SPTLC3: variants seen among roughly 807,000 people sequenced by gnomAD.
SPTLC3 encodes serine palmitoyltransferase long chain base subunit 3, also known as serine palmitoyltransferase 3.
SPTLC3 carries 36 observed loss-of-function variants against 59.3 expected under a neutral mutation model. That is an observed-to-expected ratio of 0.61 (90% CI 0.47 to 0.80). The LOEUF (loss-of-function observed/expected upper bound fraction) is 0.80, where lower values mean the gene tolerates loss of function less well. SPTLC3 is among the 30% of genes least tolerant of loss of function. SPTLC3 has a pLI of 0.00. For missense variants in SPTLC3, 625 were observed against 685.1 expected (o/e 0.91, Z 0.98); for synonymous variants, 257 against 240.8 (o/e 1.07, Z -0.62).
chr20:13,016,887 A>G (rs549925803), intron 1 of SPTLC3, among the ~76,000 whole-genome samples: 2 of 152,200 alleles, frequency 1.3e-5, no homozygotes, highest in East Asian at 3.9e-4. Flanking sequence ...TCATCATCTC[A>G]CAGCATTCCT....
intron 1 of SPTLC3, among the ~76,000 whole-genome samples, chr20:13,018,985 A>G (rs1985715923): frequency 6.6e-6 from 1 of 152,192 alleles, no homozygotes; most frequent in African/African-American, 2.4e-5. Flanking sequence ...GAAATACTCA[A>G]AATTATCCTC....
chr20:13,044,250 G>C (rs1235061251), intron 1 of SPTLC3, among the ~76,000 whole-genome samples: 4 of 151,858 alleles, frequency 2.6e-5, no homozygotes, highest in African/African-American at 9.7e-5. Flanking sequence ...ACAGGTGCCT[G>C]CCACCACACC....
chr20:13,140,498 A>C (rs967814204), intron 9 of SPTLC3, among the ~76,000 whole-genome samples: 1 of 152,218 alleles, frequency 6.6e-6, no homozygotes, highest in African/African-American at 2.4e-5. Context: ...ACTTCCTATC[A>C]GGATGGAGCT....
At position 13,157,138 on chromosome 20, in the gene SPTLC3, G is replaced by C. The variant is rs564124650; in HGVS notation, c.1416-2865G>C. ...AAATGAAGATGCTAAGACTTAGAAA[G>C]GTCAAATTACTTTCTAAAGCCGGGT... On this transcript the variant is annotated intron_variant, in intron 10 of 11. Coordinates refer to ENST00000399002, the MANE Select transcript of SPTLC3 (RefSeq NM_018327.4). Among the ~76,000 whole-genome samples the C allele has an allele frequency of 2.0e-5, 3 of 152,134 alleles. No individual in the cohort carries two copies. In the East Asian group the frequency reaches 5.8e-4, roughly 29 times the overall value.
At chr20:13,023,280 C>T (rs1420803507) in intron 1 of SPTLC3, among the ~76,000 whole-genome samples, 3 of 151,532 alleles carry the variant, frequency 2.0e-5, no homozygotes, top group East Asian at 3.9e-4. Flanking sequence ...CACACACACA[C>T]ACACACAGAG....
intron 9 of SPTLC3, among the ~76,000 whole-genome samples, chr20:13,136,513 T>C (rs1487725278): frequency 6.6e-6 from 1 of 151,634 alleles, no homozygotes; most frequent in Non-Finnish European, 1.5e-5. Flanking sequence ...GGTGGGAGGA[T>C]CACTTGACCC....
At chr20:13,119,898 G>T (rs1456143960) in intron 8 of SPTLC3, among the ~76,000 whole-genome samples, 1 of 152,220 alleles carries the variant, frequency 6.6e-6, no homozygotes, top group Non-Finnish European at 1.5e-5. Flanking sequence ...TGTGTGGAAT[G>T]ATTTTGGTCA....
At chr20:13,068,718 T>C (rs769471257) in intron 2 of SPTLC3, among the ~76,000 whole-genome samples, 2 of 151,446 alleles carry the variant, frequency 1.3e-5, no homozygotes, top group Non-Finnish European at 2.9e-5. Context: ...TTAATGTTTA[T>C]GTCATGCACA....
At chr20:13,031,893 A>G (rs1298260884) in intron 1 of SPTLC3, among the ~76,000 whole-genome samples, 1 of 152,174 alleles carries the variant, frequency 6.6e-6, no homozygotes, top group Non-Finnish European at 1.5e-5. Flanking sequence ...GGATCAACTT[A>G]GTCCTGTCTT....
chr20:13,018,640 T>C (rs1412101481), intron 1 of SPTLC3, among the ~76,000 whole-genome samples: 2 of 152,236 alleles, frequency 1.3e-5, no homozygotes, highest in Admixed American at 6.5e-5. Context: ...ATATTTTAAG[T>C]ATTTTTAATA....
At chr20:13,036,838 A>G (rs1212367790) in intron 1 of SPTLC3, among the ~76,000 whole-genome samples, 1 of 152,068 alleles carries the variant, frequency 6.6e-6, no homozygotes, top group South Asian at 2.1e-4. Flanking sequence ...TTAGTTTACA[A>G]TTTTTGTTAC....
In SPTLC3 at chr20:13,168,955, G is replaced by GTGTGTGTGTGTGTGTGCA. The variant is rs2039017541; in HGVS notation, c.*4094_*4111dup. ...CCTGATGTACGTGGGGTGTGCATGT[G>GTGTGTGTGTGTGTGTGCA]TGTGTGTGTGTGTGTGCATGTGTCT... On this transcript the variant is annotated 3_prime_UTR_variant, in exon 12 of 12. Transcript: ENST00000399002. 1 of 151,728 alleles carries GTGTGTGTGTGTGTGTGCA rather than the reference G, an allele frequency of 6.6e-6. No homozygotes were observed. The highest frequency in any genetic ancestry group is 2.1e-4 in the South Asian group (1 of 4,794). The allele number at this position is 151,728 out of a possible 1,614,324, so 9.4% of individuals were successfully genotyped here.
chr20:13,154,442 AC>A (rs2122963966), intron 10 of SPTLC3, among the ~76,000 whole-genome samples: 1 of 152,206 alleles, frequency 6.6e-6, no homozygotes, highest in South Asian at 2.1e-4. Flanking sequence ...CCTCCTTCTG[AC>A]CCAAGATCGT....
intron 4 of SPTLC3, among the ~76,000 whole-genome samples, chr20:13,088,172 T>C (rs1293448837): frequency 2.0e-5 from 3 of 152,208 alleles, no homozygotes; most frequent in African/African-American, 7.2e-5. Context: ...GATATGCCCA[T>C]GTTTTATTCC....
chr20:13,090,110 A>G (rs1415627556), intron 4 of SPTLC3, among the ~76,000 whole-genome samples: 1 of 152,242 alleles, frequency 6.6e-6, no homozygotes, highest in Non-Finnish European at 1.5e-5. Context: ...GTGAAAGCAA[A>G]CAGAAAATAC....
intron 6 of SPTLC3, among the ~76,000 whole-genome samples, chr20:13,094,249 T>A (rs149583013): frequency 1.2e-4 from 19 of 152,314 alleles, no homozygotes; most frequent in African/African-American, 4.1e-4. Flanking sequence ...AATCCTTTCA[T>A]CTTTCTTGCA....
intron 9 of SPTLC3, among the ~76,000 whole-genome samples, chr20:13,127,000 G>A (rs2038009141): frequency 6.6e-6 from 1 of 152,228 alleles, no homozygotes; most frequent in Non-Finnish European, 1.5e-5. Context: ...GCGTGTGTGT[G>A]CGCGCACGTG....
At position 13,110,979 on chromosome 20, in the gene SPTLC3, C is replaced by T. The variant is rs183280072; in HGVS notation, c.932+762C>T. Among the ~76,000 whole-genome samples the T allele has an allele frequency of 5.9e-5, 9 of 151,994 alleles. No homozygotes were observed. The East Asian group carries it at 7.8e-4, about 13-fold the overall frequency. On this transcript the variant is annotated intron_variant, in intron 7 of 11. Transcript: ENST00000399002. ...GATAGACATAGGATTTCTTTCAGCCCGCTAATCTCATTAGTCCCTGAGTGC... is the reference window on the plus strand; with the variant it reads ...GATAGACATAGGATTTCTTTCAGCCTGCTAATCTCATTAGTCCCTGAGTGC...
rs181160033 is a variant in SPTLC3, at chr20:13,117,815, A to G, written c.1152+90A>G. 422 of 1,246,124 alleles carry G rather than the reference A, an allele frequency of 3.4e-4. 1 individual carries two copies. The African/African-American group carries it at 4.9e-3, about 14-fold the overall frequency. 77.2% of individuals were successfully genotyped at this position (1,246,124 alleles called of 1,614,324 possible). ...TTCTCTGAATTTCATGAAAGCTTCA[A>G]TTCAGTTCACCACACCTCAGCTGAT... On this transcript the variant is annotated intron_variant, in intron 8 of 11. Coordinates refer to ENST00000399002, the MANE Select transcript of SPTLC3 (RefSeq NM_018327.4).
Sources: allele counts gnomAD v4.1 joint callset (sites outside exome capture counted in the v4.1 genomes callset), GRCh38; gene constraint gnomAD v4.1.1; transcripts MANE v1.5; gene names NCBI Gene and HGNC (gene_info 2026-07-23, HGNC 2026-07-21).